PHKA1: variants seen among roughly 807,000 people sequenced by gnomAD.
PHKA1 encodes the protein phosphorylase b kinase regulatory subunit alpha, skeletal muscle isoform.
Under a neutral mutation model 110.2 loss-of-function variants are expected in PHKA1, and 60 were observed. That is an observed-to-expected ratio of 0.54 (90% CI 0.44 to 0.68). The LOEUF (loss-of-function observed/expected upper bound fraction) is 0.68. Among genes scored for constraint, PHKA1 ranks in the 30% least tolerant of loss-of-function variants. The pLI is 0.00. For synonymous variants in PHKA1, 316 were observed against 333.6 expected (o/e 0.95, Z 0.58); for missense variants, 801 against 942.5 (o/e 0.85, Z 1.97).
chrX:72,588,382 G>C (rs1375090368), intron 29 of PHKA1, among the ~76,000 whole-genome samples: 2 of 112,018 alleles, frequency 1.8e-5, no homozygotes, highest in African/African-American at 6.5e-5. Flanking sequence ...TGAAACCAAT[G>C]AGAACAAAGA....
chrX:72,646,748 C>T (rs1298823570), intron 13 of PHKA1, among the ~76,000 whole-genome samples: 3 of 111,129 alleles, frequency 2.7e-5, no homozygotes, highest in African/African-American at 9.8e-5. Flanking sequence ...AGAGGAATAC[C>T]ATATTAATAC....
intron 16 of PHKA1, among the ~76,000 whole-genome samples, chrX:72,628,959 C>CA (rs1556285097): frequency 1.8e-5 from 2 of 110,506 alleles, no homozygotes; most frequent in Non-Finnish European, 3.8e-5. Context: ...TGTATTTTTG[C>CA]AAAAAAAGTA....
intron 12 of PHKA1, among the ~76,000 whole-genome samples, chrX:72,651,190 TGAG>T (rs2053424555): frequency 8.9e-6 from 1 of 111,809 alleles, no homozygotes; most frequent in Non-Finnish European, 1.9e-5. Flanking sequence ...TCTTTTGACT[TGAG>T]TTTCTGCCCT....
intron 6 of PHKA1, among the ~76,000 whole-genome samples, chrX:72,669,633 T>C (rs2075767256): frequency 9.6e-6 from 1 of 103,812 alleles, no homozygotes; most frequent in Admixed American, 1.1e-4. Flanking sequence ...ATGCGGTGTT[T>C]GGTTTTTTGT....
intron 13 of PHKA1, 23 bp downstream of exon 13, chrX:72,650,367 C>G: frequency 8.6e-7 from 1 of 1,164,437 alleles, no homozygotes; most frequent in Non-Finnish European, 1.2e-6. Context: ...AAAGTTTCTT[C>G]CACTGGGAAT....
Position 72,619,227 on chromosome X carries a change from C to A in PHKA1, c.2216G>T (p.Arg739Leu), listed in dbSNP as rs782419770. The A allele has an allele frequency of 3.4e-5, 40 of 1,174,474 alleles. No individual in the cohort carries two copies. The highest frequency in any genetic ancestry group is 4.6e-5 in the Non-Finnish European group (40 of 863,236). The change falls in exon 20 of 32, where the codon CGA becomes CTA. Residue 739 changes from arginine to leucine, a missense_variant. Physicochemically the swap from Arg to Leu is moderately radical, Grantham distance 102. This residue lies in a region of PHKA1 where 502 missense variants were observed against 519.2 expected (regional missense o/e 0.97). Coordinates refer to ENST00000373542, the MANE Select transcript of PHKA1 (RefSeq NM_002637.4). ...GCACAAATTTACCTGGTTCTCCTGT[C>A]GGGGATGAGGTGAATCAAGTAAGTT... The part of the protein sequence containing the change: ...SFNLLDSPHP[R>L]QENQVPSVRV...
rs1489244315 is a variant in PHKA1, at chrX:72,579,067, G to C, written c.*1935C>G. ...GCCCTTCGAGTAAGTTCAGGCAAAT[G>C]AGTGTGGGAAGGAGTGGATCTTTTG... On this transcript the variant is annotated 3_prime_UTR_variant, in exon 32 of 32. Transcript: ENST00000373542. 1 of 112,014 alleles carries C rather than the reference G, an allele frequency of 8.9e-6. No homozygotes were observed. Among genetic ancestry groups the C allele is most frequent in the East Asian group, 2.8e-4 (1 of 3,598 alleles). 9.2% of individuals were successfully genotyped at this position (112,014 alleles called of 1,213,427 possible). A position where few individuals can be genotyped will look rare whatever the true frequency, so the allele number is the denominator to read the frequency against.
At chrX:72,707,102 G>A (rs2054296305) in intron 2 of PHKA1, among the ~76,000 whole-genome samples, 1 of 111,008 alleles carries the variant, frequency 9.0e-6, no homozygotes, top group Non-Finnish European at 1.9e-5. Flanking sequence ...TCTTTTTGAC[G>A]ACATAAATCA....
Position 72,593,902 on chromosome X carries a change from T to G in PHKA1, c.3073-628A>C, listed in dbSNP as rs782785857. On this transcript the variant is annotated intron_variant, in intron 28 of 31. Transcript: ENST00000373542. The stretch of plus-strand genomic sequence containing the variant: ...GTTAAACTTCTAGCTCGTCCATGGT[T>G]TAGTTTGTTGCCCTCATGGGCCATA... Among the ~76,000 whole-genome samples, 131 of 112,330 alleles carry G rather than the reference T, an allele frequency of 1.2e-3. 1 individual carries two copies. Among genetic ancestry groups the G allele is most frequent in the Non-Finnish European group, 2.1e-3 (112 of 53,292 alleles).
intron 16 of PHKA1, among the ~76,000 whole-genome samples, chrX:72,632,031 T>C (rs2053173247): frequency 1.8e-5 from 2 of 112,129 alleles, no homozygotes; most frequent in Admixed American, 9.4e-5. Flanking sequence ...TCCTTTATAG[T>C]TAGATTCTTT....
At chrX:72,629,934 C>A (rs1556285850) in intron 16 of PHKA1, among the ~76,000 whole-genome samples, 1 of 112,117 alleles carries the variant, frequency 8.9e-6, no homozygotes, top group Non-Finnish European at 1.9e-5. Context: ...AAGGTCCTTA[C>A]TTTTCCCCAT....
chrX:72,681,670 T>TG (rs1186602515), intron 5 of PHKA1, among the ~76,000 whole-genome samples: 74 of 69,565 alleles, frequency 1.1e-3, no homozygotes, highest in African/African-American at 4.0e-3. Flanking sequence ...GGGAGGGAGA[T>TG]GGGGGGGTCA....
intron 21 of PHKA1, among the ~76,000 whole-genome samples, chrX:72,617,659 C>G (rs1556271289): frequency 4.5e-5 from 5 of 111,021 alleles, no homozygotes; most frequent in Non-Finnish European, 5.7e-5. Flanking sequence ...TACAATCTAC[C>G]AAGATTGAAG....
intron 2 of PHKA1, among the ~76,000 whole-genome samples, chrX:72,709,106 T>G (rs1011836177): frequency 9.0e-6 from 1 of 110,726 alleles, no homozygotes; most frequent in South Asian, 3.9e-4. Flanking sequence ...AAACCTAGGT[T>G]TAAAATTGAA....
chrX:72,713,831 A>C lies in PHKA1; in HGVS notation c.50T>G (p.Leu17Arg). The change falls in exon 1 of 32, where the codon CTG (leucine) becomes CGG (arginine). Residue 17 changes from leucine (L) to arginine (R), a missense_variant. Physicochemically the swap from Leu to Arg is moderately radical, Grantham distance 102 (BLOSUM62 -2). Transcript: ENST00000373542. ...ATGGCACAGGATGGTCTGTTGCACCAGTCGAGCGTAGCCGTCCAGCCGGAC... is the reference window on the plus strand; with the variant it reads ...ATGGCACAGGATGGTCTGTTGCACCCGTCGAGCGTAGCCGTCCAGCCGGAC... Reference protein sequence around the residue: ...SGVRLDGYARLVQQTILCHQN... With the variant: ...SGVRLDGYARRVQQTILCHQN... 1 of 1,207,806 alleles carries C rather than the reference A, an allele frequency of 8.3e-7. No homozygotes were observed. Among genetic ancestry groups the C allele is most frequent in the South Asian group, 1.8e-5 (1 of 56,881 alleles).
intron 5 of PHKA1, among the ~76,000 whole-genome samples, chrX:72,683,972 C>T (rs1556317936): frequency 8.9e-6 from 1 of 112,056 alleles, no homozygotes; most frequent in African/African-American, 3.2e-5. Flanking sequence ...AGAAAAAAAT[C>T]GCATTCCTGT....
chrX:72,649,127 T>C (rs1252372739), intron 13 of PHKA1, among the ~76,000 whole-genome samples: 2 of 112,171 alleles, frequency 1.8e-5, no homozygotes, highest in African/African-American at 6.5e-5. Context: ...TAATGACTTT[T>C]ATATAATGTT....
At chrX:72,680,002 A>G (rs1174098212) in intron 5 of PHKA1, among the ~76,000 whole-genome samples, 23 of 110,758 alleles carry the variant, frequency 2.1e-4, no homozygotes, top group African/African-American at 7.6e-4. Flanking sequence ...TAAAGTCAGT[A>G]ATAAAAGAAA....
chrX:72,713,863 G>A lies in PHKA1; in HGVS notation c.18C>T (p.Asn6=), dbSNP rs781905363. MRSRS[N]SGVRLDGYAR... ...CGTAGCCGTCCAGCCGGACCCCGGA[G>A]TTACTCCGGCTCCTCATGGCGACAC... is the stretch of plus-strand genomic sequence containing the variant. The change falls in exon 1 of 32, where the codon AAC becomes AAT. Residue 6 remains asparagine, a synonymous_variant. Transcript: ENST00000373542. 5.0e-6 allele frequency: 6 copies of A among 1,205,208 alleles called. No homozygotes were observed. In the East Asian group the frequency reaches 1.8e-4, roughly 36 times the overall value.
Sources: gnomAD v4.1 joint callset for allele counts (sites outside exome capture counted in the v4.1 genomes callset) on GRCh38, gnomAD v4.1.1 for gene constraint, gnomAD v4.1.1 regional missense constraint, MANE v1.5 for transcripts, NCBI Gene and HGNC (gene_info 2026-07-23, HGNC 2026-07-21) for gene names.